Variants in GRAMD1A observed in about 807,000 individuals in gnomAD.
GRAMD1A encodes the protein GRAM domain containing 1A.
A neutral mutation model predicts 92.0 loss-of-function variants in GRAMD1A; 50 were observed. The observed-to-expected ratio is 0.54, with a 90% CI of 0.43 to 0.69. The LOEUF is 0.69. GRAMD1A is among the 30% of genes least tolerant of loss of function. The probability of loss-of-function intolerance (pLI) is 0.00; values close to 1 mark genes in which losing one functional copy is unlikely to be tolerated. For missense variants in GRAMD1A, 819 were observed against 978.9 expected (o/e 0.84, Z 2.18); for synonymous variants, 405 against 403.6 (o/e 1.00, Z -0.04).
chr19:34,997,394 A>AAAAC (rs1856377579), upstream of GRAMD1A, among the ~76,000 whole-genome samples: 1 of 151,288 alleles, frequency 6.6e-6, no homozygotes, highest in Admixed American at 6.6e-5. Flanking sequence ...AAAACAAAAA[A>AAAAC]AAAAAAAAAA....
rs749535498 is a variant in GRAMD1A, at chr19:35,021,868, C to A, written c.1753+4C>A. 8.1e-6 allele frequency: 13 copies of A among 1,603,900 alleles called. No individual in the cohort carries two copies. The highest frequency in any genetic ancestry group is 1.0e-5 in the Non-Finnish European group (12 of 1,174,038). On this transcript the variant is annotated splice_donor_region_variant and intron_variant, in intron 15 of 19. Transcript: ENST00000317991. This position sits in a 1 kb window ranked among gnomAD's most constrained non-coding sequence, Gnocchi z 5.3. Reference sequence around the variant, plus strand: ...CGGGCCGGCATTCACACCTCGGGTACGTTCCGTTGGGGCCGGGTTGGGGTA... The same window carrying A: ...CGGGCCGGCATTCACACCTCGGGTAAGTTCCGTTGGGGCCGGGTTGGGGTA...
Position 34,995,207 on chromosome 19 carries a change from C to T in GRAMD1A, c.-30+382C>T, listed in dbSNP as rs550932436. Among the ~76,000 whole-genome samples the T allele has an allele frequency of 7.2e-5, 11 of 152,350 alleles. No individual in the cohort carries two copies. The East Asian group carries it at 2.1e-3, about 29-fold the overall frequency. On this transcript the variant is annotated intron_variant, in intron 1 of 19. Transcript: ENST00000599564. ...GTTACCCAGGCCCGGGCTCTGGTGC[C>T]CACTGAGGCCTGGCTCCTTCCTGAC...
chr19:35,012,218 C>T (rs1382264046), intron 7 of GRAMD1A, among the ~76,000 whole-genome samples: 1 of 152,218 alleles, frequency 6.6e-6, no homozygotes, highest in Admixed American at 6.5e-5. Context: ...CCCTCTGCCC[C>T]CCGGCTGTAG....
chr19:35,009,451 T>G lies in GRAMD1A; in HGVS notation c.240+8T>G. 6.2e-7 allele frequency: 1 copy of G among 1,606,214 alleles called. No individual in the cohort carries two copies. On this transcript the variant is annotated splice_region_variant and intron_variant, in intron 3 of 19. Coordinates refer to ENST00000317991, the MANE Select transcript of GRAMD1A (RefSeq NM_020895.5). ...ATGCAGAGCTGGTACAGTGTAAGTG[T>G]CTGGGCAAGGGGCTTGCTGGAGGGC...
At chr19:35,017,991 T>C (rs1013213490) in intron 11 of GRAMD1A, among the ~76,000 whole-genome samples, 1 of 151,868 alleles carries the variant, frequency 6.6e-6, no homozygotes, top group Non-Finnish European at 1.5e-5. Context: ...TATTTATTTA[T>C]TTATTTATTT....
Position 35,000,600 on chromosome 19 carries a change from C to T in GRAMD1A, c.8+114C>T. 1.4e-6 allele frequency: 1 copy of T among 737,736 alleles called. No homozygotes were observed. Among genetic ancestry groups the T allele is most frequent in the Non-Finnish European group, 1.8e-6 (1 of 550,164 alleles). The allele number at this position is 737,736 out of a possible 1,614,324, so 45.7% of individuals were successfully genotyped here. On this transcript the variant is annotated intron_variant, in intron 1 of 19. Coordinates refer to ENST00000317991, the MANE Select transcript of GRAMD1A (RefSeq NM_020895.5). The surrounding 1 kb of genome is among the most constrained non-coding windows in gnomAD (Gnocchi z 4.9). ...GAGCGGCCGCTGCAGAGGTCGGGGGCCTCTGCACATGGCTCTGGCCGGGGC... is the reference window on the plus strand; with the variant it reads ...GAGCGGCCGCTGCAGAGGTCGGGGGTCTCTGCACATGGCTCTGGCCGGGGC...
intron 7 of GRAMD1A, among the ~76,000 whole-genome samples, chr19:35,011,808 G>T (rs543233602): frequency 6.6e-6 from 1 of 152,326 alleles, no homozygotes; most frequent in African/African-American, 2.4e-5. Context: ...GGACATCCAG[G>T]TTCCACTGGC....
chr19:34,997,380 C>CAAAAAA (rs1315311875), upstream of GRAMD1A, among the ~76,000 whole-genome samples: 1 of 29,858 alleles, frequency 3.3e-5, no homozygotes, highest in African/African-American at 1.4e-4. Flanking sequence ...GATCACAGGC[C>CAAAAAA]AAAAAAACAA....
intron 11 of GRAMD1A, among the ~76,000 whole-genome samples, chr19:35,018,795 A>C (rs1011364418): frequency 2.6e-5 from 4 of 152,094 alleles, no homozygotes; most frequent in Non-Finnish European, 5.9e-5. Context: ...GGCAAGGCCT[A>C]CCGCTCCAGT....
upstream of GRAMD1A, chr19:34,999,620 TCTC>T (rs1341285455): frequency 2.6e-5 from 4 of 152,182 alleles, no homozygotes; most frequent in African/African-American, 9.7e-5. Flanking sequence ...AGGCCGGGCT[TCTC>T]CTTCCGTAAA....
chr19:35,014,174 G>C lies in GRAMD1A; in HGVS notation c.871-15G>C. ...GATGGAGGTGGCCAAGGCTGCATCG[G>C]GCCTTTCTCCACAGGCAGAGGAGGA... On this transcript the variant is annotated splice_polypyrimidine_tract_variant and intron_variant, in intron 9 of 19. Transcript: ENST00000317991. The C allele has an allele frequency of 6.2e-7, 1 of 1,610,876 alleles. No individual in the cohort carries two copies. The highest frequency in any genetic ancestry group is 8.5e-7 in the Non-Finnish European group (1 of 1,178,438).
intron 13 of GRAMD1A, among the ~76,000 whole-genome samples, chr19:35,020,301 G>A (rs1471793327): frequency 6.6e-6 from 1 of 152,186 alleles, no homozygotes; most frequent in African/African-American, 2.4e-5. Context: ...CAATTTGGGA[G>A]GCTGAGGTGG....
chr19:35,024,475 C>G (rs901120456), intron 19 of GRAMD1A, among the ~76,000 whole-genome samples: 1 of 152,044 alleles, frequency 6.6e-6, no homozygotes, highest in Non-Finnish European at 1.5e-5. Flanking sequence ...GTCAGGCCAG[C>G]AGTTGTGGTG....
chr19:34,997,558 C>T (rs958200414), upstream of GRAMD1A, among the ~76,000 whole-genome samples: 1 of 152,146 alleles, frequency 6.6e-6, no homozygotes, highest in African/African-American at 2.4e-5. Flanking sequence ...CAAGCAGCCA[C>T]TGTGGTTTCT....
In GRAMD1A at chr19:35,005,131, A is replaced by G. The variant is rs552851902; in HGVS notation, c.9-3988A>G. ...GATCACCCAGGCCATCCCCAACAGT[A>G]TGTGCTCACGGAGCACCTCCTGTAC... On this transcript the variant is annotated intron_variant, in intron 1 of 19. Coordinates refer to ENST00000317991, the MANE Select transcript of GRAMD1A (RefSeq NM_020895.5). 8.7e-3 allele frequency among the ~76,000 whole-genome samples: 1,206 copies of G among 138,718 alleles called. 12 individuals are homozygous for G. Among genetic ancestry groups the G allele is most frequent in the Non-Finnish European group, 0.014 (896 of 64,654 alleles). The allele number at this position is 138,718 out of a possible 152,430, so 91.0% of individuals were successfully genotyped here.
Position 35,001,754 on chromosome 19 carries a change from T to A in GRAMD1A, c.8+1268T>A, listed in dbSNP as rs149624528. Among the ~76,000 whole-genome samples, 589 of 152,188 alleles carry A rather than the reference T, an allele frequency of 3.9e-3. 4 individuals carry two copies. The highest frequency in any genetic ancestry group is 0.014 in the African/African-American group (563 of 41,522). On this transcript the variant is annotated intron_variant, in intron 1 of 19. Transcript: ENST00000317991. ...TCCTGAGTAGCTGGGATTACAGGCG[T>A]GTGCCACCACGCCTGGCTAAGTTTT...
intron 19 of GRAMD1A, chr19:35,025,059 G>C (rs2016336985): frequency 6.6e-6 from 1 of 152,188 alleles, no homozygotes; most frequent in African/African-American, 2.4e-5. Flanking sequence ...AAAGTCCTGG[G>C]ATTGCAGGTG....
intron 7 of GRAMD1A, among the ~76,000 whole-genome samples, chr19:35,012,794 G>A (rs1293019646): frequency 6.6e-6 from 1 of 152,232 alleles, no homozygotes; most frequent in African/African-American, 2.4e-5. Flanking sequence ...GGCCAACATG[G>A]TGAAACCCCG....
rs2014310188 is a variant in GRAMD1A at position 35,000,817 on chromosome 19, G to C, written c.8+331G>C. Among the ~76,000 whole-genome samples the C allele has an allele frequency of 1.3e-5, 2 of 152,248 alleles. No individual in the cohort carries two copies. Among genetic ancestry groups the C allele is most frequent in the South Asian group, 4.1e-4 (2 of 4,828 alleles). On this transcript the variant is annotated intron_variant, in intron 1 of 19. Transcript: ENST00000317991. The surrounding 1 kb of genome is among the most constrained non-coding windows in gnomAD (Gnocchi z 4.9). ...CCTCAGGCCTGGCAACCCCCTGCCT[G>C]GTAAGCCAGGGGTGAGCGCGAGGCC...
Sources: allele counts gnomAD v4.1 joint callset (sites outside exome capture counted in the v4.1 genomes callset), GRCh38; gene constraint gnomAD v4.1.1; non-coding constraint Gnocchi (gnomAD v3.1); transcripts MANE v1.5; gene names NCBI Gene and HGNC (gene_info 2026-07-23, HGNC 2026-07-21).